Variants in ISL1 observed in about 807,000 individuals in gnomAD.
The protein encoded by ISL1 is insulin gene enhancer protein ISL-1.
A neutral mutation model predicts 35.3 loss-of-function variants in ISL1; 4 were observed. The ratio of observed to expected loss-of-function variants is 0.11; its 90% confidence interval spans 0.06 to 0.26. ISL1 has a LOEUF of 0.26. ISL1 is among the 10% of genes least tolerant of loss of function. The pLI is 1.00. For synonymous variants in ISL1, 186 were observed against 172.3 expected, an observed-to-expected ratio of 1.08 and a Z score of -0.62; for missense variants, 340 against 472.8, an observed-to-expected ratio of 0.72 and a Z score of 2.60.
chr5:51,384,510 T>C, intron 1 of ISL1, 31 bp from the exon 2 acceptor site: 1 of 1,601,154 alleles, frequency 6.2e-7, no homozygotes, highest in Non-Finnish European at 8.6e-7. Context: ...AAGTAAACGG[T>C]TAGTCAATCA....
chr5:51,384,457 C>A (rs1019364278), intron 1 of ISL1, 84 bp from the exon 2 acceptor site: 2 of 1,258,458 alleles, frequency 1.6e-6, no homozygotes, highest in Non-Finnish European at 1.2e-6. Context: ...CCAGAGTACG[C>A]CCTATAAGAG....
chr5:51,392,342 A>G (rs997854017), intron 5 of ISL1, among the ~76,000 whole-genome samples: 2 of 152,164 alleles, frequency 1.3e-5, no homozygotes, highest in Non-Finnish European at 2.9e-5. Context: ...GCCTTATAGA[A>G]TCTTGTTTTA....
rs3138746 is a variant in ISL1 at position 51,386,376 on chromosome 5, C to CTGTGTGTG, written c.219-1084_219-1077dup. On this transcript the variant is annotated intron_variant, in intron 2 of 5. Coordinates refer to ENST00000230658, the MANE Select transcript of ISL1 (RefSeq NM_002202.3). ...ACCTTCTCTTCACTCTCTCTCAACTCTGTGTGTGTGTGTGTGTGTGTGTGT... is the reference window on the plus strand; with the variant it reads ...ACCTTCTCTTCACTCTCTCTCAACTCTGTGTGTGTGTGTGTGTGTGTGTGTGTGTGTGT... 1,340 of 262,744 alleles carry CTGTGTGTG rather than the reference C, an allele frequency of 5.1e-3. 6 individuals are homozygous for CTGTGTGTG. Among genetic ancestry groups the CTGTGTGTG allele is most frequent in the African/African-American group, 6.3e-3 (274 of 43,232 alleles). The allele number at this position is 262,744 out of a possible 1,614,324, so 16.3% of individuals were successfully genotyped here.
Position 51,389,521 on chromosome 5 carries a change from T to TCGGGCGGGCGAGCAAGTAAGCGGG in ISL1, c.479-114_479-91dup, listed in dbSNP as rs2111847087. ...AACCCTAGCCATTGTCCTGAGTATC[T>TCGGGCGGGCGAGCAAGTAAGCGGG]CGGGCGGGCGAGCAAGTAAGCGGGC... On this transcript the variant is annotated intron_variant, in intron 3 of 5. Coordinates refer to ENST00000230658, the MANE Select transcript of ISL1 (RefSeq NM_002202.3). This position sits in a 1 kb window ranked among gnomAD's most constrained non-coding sequence, Gnocchi z 5.0. The TCGGGCGGGCGAGCAAGTAAGCGGG allele has an allele frequency of 6.2e-6, 5 of 808,730 alleles. No individual in the cohort carries two copies. Among genetic ancestry groups the TCGGGCGGGCGAGCAAGTAAGCGGG allele is most frequent in the Admixed American group, 5.4e-5 (1 of 18,652 alleles). The allele number at this position is 808,730 out of a possible 1,614,324, so 50.1% of individuals were successfully genotyped here.
In ISL1 at chr5:51,383,513, C is replaced by T; in HGVS notation, c.-159C>T. ...GCCGGCTTAAATTGGACTCCTAGAT[C>T]CGCGAGGGCGCGGCGCAGCCGAGCA... On this transcript the variant is annotated 5_prime_UTR_variant, in exon 1 of 6. Coordinates refer to ENST00000230658, the MANE Select transcript of ISL1 (RefSeq NM_002202.3). 1 of 721,010 alleles carries T rather than the reference C, an allele frequency of 1.4e-6. No individual in the cohort carries two copies. Among genetic ancestry groups the T allele is most frequent in the Non-Finnish European group, 2.5e-6 (1 of 396,584 alleles). The allele number at this position is 721,010 out of a possible 1,614,324, so 44.7% of individuals were successfully genotyped here. A position where few individuals can be genotyped will look rare whatever the true frequency, so the allele number is the denominator to read the frequency against.
intron 5 of ISL1, 139 bp from the exon 6 acceptor site, chr5:51,393,355 T>C: frequency 1.4e-6 from 1 of 693,812 alleles, no homozygotes; most frequent in Non-Finnish European, 2.6e-6. Flanking sequence ...TCTAAGCCTG[T>C]TAAAATTCAG....
chr5:51,389,542 C>T lies in ISL1; in HGVS notation c.479-104C>T. 2 of 851,250 alleles carry T rather than the reference C, an allele frequency of 2.3e-6. No individual in the cohort carries two copies. Among genetic ancestry groups the T allele is most frequent in the South Asian group, 2.6e-5 (1 of 37,900 alleles). The allele number at this position is 851,250 out of a possible 1,614,324, so 52.7% of individuals were successfully genotyped here. ...TATCTCGGGCGGGCGAGCAAGTAAG[C>T]GGGCGGGCGGGCGGGCAAGCGAGCG... On this transcript the variant is annotated intron_variant, in intron 3 of 5. Coordinates refer to ENST00000230658, the MANE Select transcript of ISL1 (RefSeq NM_002202.3). This position sits in a 1 kb window ranked among gnomAD's most constrained non-coding sequence, Gnocchi z 5.0.
Position 51,387,558 on chromosome 5 carries a change from G to A in ISL1, c.287G>A (p.Arg96His). The A allele has an allele frequency of 2.5e-6, 4 of 1,614,226 alleles. No homozygotes were observed. The highest frequency in any genetic ancestry group is 3.4e-6 in the Non-Finnish European group (4 of 1,180,042). ...AAGAACGACTTCGTGATGCGTGCCC[G>A]CTCCAAGGTGTATCACATCGAGTGT... Reference protein sequence around the residue: ...FSKNDFVMRARSKVYHIECFR... With the variant: ...FSKNDFVMRAHSKVYHIECFR... Residue 96 changes from arginine to histidine, a missense_variant, in exon 3 of 6, where the codon CGC becomes CAC. By Grantham distance (29) the Arg-to-His change is conservative. Transcript: ENST00000230658. The surrounding 1 kb of genome is among the most constrained non-coding windows in gnomAD (Gnocchi z 4.3).
chr5:51,391,208 G>A, intron 4 of ISL1, 66 bp from the exon 5 acceptor site: 1 of 1,545,742 alleles, frequency 6.5e-7, no homozygotes, highest in Non-Finnish European at 8.9e-7. Context: ...CTTAGCCTGT[G>A]CAGACAACGG....
intron 4 of ISL1, among the ~76,000 whole-genome samples, chr5:51,390,642 C>CTTTTCTTTTTT (rs1747483928): frequency 5.0e-5 from 2 of 40,204 alleles, no homozygotes; most frequent in African/African-American, 2.0e-4. Flanking sequence ...CTTTCTTTTT[C>CTTTTCTTTTTT]TTTTTTTTTT....
intron 5 of ISL1, 76 bp from the exon 6 acceptor site, chr5:51,393,418 A>G (rs1277769236): frequency 2.4e-6 from 2 of 846,502 alleles, no homozygotes; most frequent in East Asian, 2.5e-5. Context: ...TTCTACATAT[A>G]CAATATGATG....
chr5:51,390,345 G>T (rs986354511), intron 4 of ISL1, among the ~76,000 whole-genome samples: 17 of 152,170 alleles, frequency 1.1e-4, no homozygotes, highest in African/African-American at 3.6e-4. Context: ...TAATACCTTG[G>T]ATTCCTGCCT....
Position 51,386,296 on chromosome 5 carries a change from C to T in ISL1, c.219-1194C>T, listed in dbSNP as rs530682592. On this transcript the variant is annotated intron_variant, in intron 2 of 5. Transcript: ENST00000230658. Reference sequence around the variant, plus strand: ...AGTATTTTGCTCAATTGCACACAGGCTTGCATGTGCCTAATTCTGGATACA... The same window carrying T: ...AGTATTTTGCTCAATTGCACACAGGTTTGCATGTGCCTAATTCTGGATACA... 3.5e-5 allele frequency: 8 copies of T among 228,106 alleles called. No individual in the cohort carries two copies. In the East Asian group the frequency reaches 8.5e-4, roughly 24 times the overall value. The allele number at this position is 228,106 out of a possible 1,614,324, so 14.1% of individuals were successfully genotyped here. A position where few individuals can be genotyped will look rare whatever the true frequency, so the allele number is the denominator to read the frequency against.
intron 4 of ISL1, among the ~76,000 whole-genome samples, chr5:51,390,336 A>G (rs1028320863): frequency 6.6e-6 from 1 of 152,186 alleles, no homozygotes; most frequent in Non-Finnish European, 1.5e-5. Context: ...AGGGAGGGAT[A>G]ATACCTTGGA....
rs768556500 is a variant in ISL1, at chr5:51,393,600, T to C, written c.1040T>C (p.Ile347Thr). The part of the protein sequence containing the change: ...DTPNSMVASP[I>T]EA ...CCTAACAGCATGGTAGCCAGTCCTA[T>C]TGAGGCATGAGGAACATTCATTCTG... Residue 347 changes from isoleucine to threonine, a missense_variant, in exon 6 of 6, where the codon ATT becomes ACT. By Grantham distance (89) the Ile-to-Thr change is moderately conservative (BLOSUM62 -1). Coordinates refer to ENST00000230658, the MANE Select transcript of ISL1 (RefSeq NM_002202.3). 7.6e-6 allele frequency: 12 copies of C among 1,587,934 alleles called. No homozygotes were observed. The highest frequency in any genetic ancestry group is 2.7e-5 in the African/African-American group (2 of 74,358).
In ISL1 at chr5:51,389,539, A is replaced by AAGCGGGCGGGCGGGCGGGCAAGCGAGCG; in HGVS notation, c.479-102_479-75dup. On this transcript the variant is annotated intron_variant, in intron 3 of 5. Transcript: ENST00000230658. This position sits in a 1 kb window ranked among gnomAD's most constrained non-coding sequence, Gnocchi z 5.0. ...GAGTATCTCGGGCGGGCGAGCAAGTAAGCGGGCGGGCGGGCGGGCAAGCGA... is the reference window on the plus strand; with the variant it reads ...GAGTATCTCGGGCGGGCGAGCAAGTAAGCGGGCGGGCGGGCGGGCAAGCGAGCGAGCGGGCGGGCGGGCGGGCAAGCGA... 1 of 972,090 alleles carries AAGCGGGCGGGCGGGCGGGCAAGCGAGCG rather than the reference A, an allele frequency of 1.0e-6. No individual in the cohort carries two copies. Among genetic ancestry groups the AAGCGGGCGGGCGGGCGGGCAAGCGAGCG allele is most frequent in the African/African-American group, 2.0e-5 (1 of 50,064 alleles). 60.2% of individuals were successfully genotyped at this position (972,090 alleles called of 1,614,324 possible). A position where few individuals can be genotyped will look rare whatever the true frequency, so the allele number is the denominator to read the frequency against.
At position 51,393,496 on chromosome 5, in the gene ISL1, C is replaced by G. The variant is rs528661441; in HGVS notation, c.936C>G (p.Val312=). Residue 312 remains valine, a splice_region_variant and synonymous_variant, in exon 6 of 6, where the codon GTC becomes GTG. Transcript: ENST00000230658. ...TTATTTCTCAACCTTCTATGCAGGTCAATTTTTCAGAAGGAGGACCGGGCT... is the reference window on the plus strand; with the variant it reads ...TTATTTCTCAACCTTCTATGCAGGTGAATTTTTCAGAAGGAGGACCGGGCT... The part of the protein sequence containing the change: ...DIDQPAFQQL[V]NFSEGGPGSN... 11 of 1,597,944 alleles carry G rather than the reference C, an allele frequency of 6.9e-6. No individual in the cohort carries two copies. In the South Asian group the frequency reaches 1.2e-4, roughly 18 times the overall value.
intron 4 of ISL1, 89 bp from the exon 5 acceptor site, chr5:51,391,185 C>T: frequency 7.8e-7 from 1 of 1,275,096 alleles, no homozygotes; most frequent in Middle Eastern, 2.7e-4. Flanking sequence ...AAGATAATAC[C>T]AGGGTATATT....
At chr5:51,386,662 G>A (rs376219119) in intron 2 of ISL1, 2 of 454,442 alleles carry the variant, frequency 4.4e-6, no homozygotes, top group South Asian at 1.6e-5. Context: ...GACCTTAGAA[G>A]CGGGTCTTTG....
Sources: allele counts gnomAD v4.1 joint callset (sites outside exome capture counted in the v4.1 genomes callset), GRCh38; gene constraint gnomAD v4.1.1; non-coding constraint Gnocchi (gnomAD v3.1); transcripts MANE v1.5; gene names NCBI Gene and HGNC (gene_info 2026-07-23, HGNC 2026-07-21).